Variants in NTNG1 observed in about 807,000 individuals in gnomAD.
NTNG1 encodes the protein netrin-G1.
Under a neutral mutation model 54.0 loss-of-function variants are expected in NTNG1, and 16 were observed. The ratio of observed to expected loss-of-function variants is 0.30; its 90% CI spans 0.20 to 0.45. The LOEUF (loss-of-function observed/expected upper bound fraction) is 0.45. Ranked by LOEUF, NTNG1 falls within the 20% of genes least tolerant of loss-of-function variation. The pLI is 1.00. For synonymous variants in NTNG1, 255 were observed against 263.1 expected (o/e 0.97, Z 0.30); for missense variants, 530 against 678.7 (o/e 0.78, Z 2.43).
At chr1:107,269,348 A>G (rs1663972707) in intron 2 of NTNG1, among the ~76,000 whole-genome samples, 1 of 152,174 alleles carries the variant, frequency 6.6e-6, no homozygotes, top group Non-Finnish European at 1.5e-5. Flanking sequence ...GCACCTTTTC[A>G]GTGAAATCTT....
chr1:107,357,296 C>G (rs1318028127), intron 3 of NTNG1, among the ~76,000 whole-genome samples: 1 of 151,826 alleles, frequency 6.6e-6, no homozygotes, highest in South Asian at 2.1e-4. Flanking sequence ...AAAAAAAATT[C>G]CTAAATTTAT....
intron 7 of NTNG1, among the ~76,000 whole-genome samples, chr1:107,461,821 C>T (rs910617088): frequency 2.4e-4 from 36 of 152,080 alleles, no homozygotes; most frequent in African/African-American, 8.5e-4. Context: ...TGTGAGCCAC[C>T]GCGCCTGGCC....
At chr1:107,321,798 C>T (rs976536915) in intron 2 of NTNG1, among the ~76,000 whole-genome samples, 1 of 152,092 alleles carries the variant, frequency 6.6e-6, no homozygotes, top group Non-Finnish European at 1.5e-5. Flanking sequence ...CTCTACCAGC[C>T]AATCCTGTTT....
At chr1:107,277,649 T>G (rs1664565305) in intron 2 of NTNG1, among the ~76,000 whole-genome samples, 1 of 152,234 alleles carries the variant, frequency 6.6e-6, no homozygotes, top group African/African-American at 2.4e-5. Context: ...TGGAAGTTTC[T>G]AATGAGTAGA....
At chr1:107,215,738 A>T (rs1659908953) in intron 2 of NTNG1, among the ~76,000 whole-genome samples, 1 of 151,770 alleles carries the variant, frequency 6.6e-6, no homozygotes, top group South Asian at 2.1e-4. Flanking sequence ...CAGTGTGGTC[A>T]TTTTCACAAT....
At chr1:107,394,556 C>G (rs1379171231) in intron 3 of NTNG1, among the ~76,000 whole-genome samples, 3 of 152,176 alleles carry the variant, frequency 2.0e-5, no homozygotes, top group Non-Finnish European at 4.4e-5. Context: ...TCTCACCCCC[C>G]TTCGGGTCTG....
chr1:107,337,971 G>C (rs1668686982), intron 3 of NTNG1, among the ~76,000 whole-genome samples: 1 of 151,984 alleles, frequency 6.6e-6, no homozygotes, highest in Non-Finnish European at 1.5e-5. Flanking sequence ...GGAGCTTAAG[G>C]GGCAGATATA....
chr1:107,213,101 A>G (rs1287514522), intron 2 of NTNG1, among the ~76,000 whole-genome samples: 1 of 151,666 alleles, frequency 6.6e-6, no homozygotes, highest in African/African-American at 2.4e-5. Flanking sequence ...TAGCTGTTAA[A>G]TTTCTCATTT....
chr1:107,229,392 C>T (rs1453757632), intron 2 of NTNG1, among the ~76,000 whole-genome samples: 2 of 150,788 alleles, frequency 1.3e-5, no homozygotes, highest in African/African-American at 4.9e-5. Flanking sequence ...GGCCTTTTGG[C>T]TAAGATCAAG....
At chr1:107,360,176 G>A (rs896116102) in intron 3 of NTNG1, among the ~76,000 whole-genome samples, 1 of 152,010 alleles carries the variant, frequency 6.6e-6, no homozygotes, top group African/African-American at 2.4e-5. Flanking sequence ...TGTTTAGTGG[G>A]CATTATATAC....
intron 2 of NTNG1, among the ~76,000 whole-genome samples, chr1:107,216,678 G>A (rs918593420): frequency 2.6e-5 from 4 of 151,128 alleles, no homozygotes; most frequent in African/African-American, 9.7e-5. Flanking sequence ...ATTTAAGGAG[G>A]ATTCCCTCTT....
chr1:107,300,191 T>C (rs76034874), intron 2 of NTNG1, among the ~76,000 whole-genome samples: 96 of 152,134 alleles, frequency 6.3e-4, no homozygotes, highest in African/African-American at 2.2e-3. Context: ...AAAGGAAGAG[T>C]GTTGCTAAGC....
At chr1:107,443,137 A>T (rs897260374) in intron 7 of NTNG1, among the ~76,000 whole-genome samples, 1 of 152,122 alleles carries the variant, frequency 6.6e-6, no homozygotes, top group East Asian at 1.9e-4. Flanking sequence ...GACCACACTC[A>T]TGCAGCAGAG....
chr1:107,264,690 A>G (rs773993462), intron 2 of NTNG1, among the ~76,000 whole-genome samples: 36 of 152,118 alleles, frequency 2.4e-4, no homozygotes, highest in Non-Finnish European at 5.0e-4. Context: ...CTCTGTTTAC[A>G]TTAGTTTAGG....
chr1:107,174,859 T>C (rs933473975), intron 2 of NTNG1, among the ~76,000 whole-genome samples: 1 of 152,054 alleles, frequency 6.6e-6, no homozygotes, highest in Non-Finnish European at 1.5e-5. Flanking sequence ...GTACCATCCC[T>C]GATATATAAC....
chr1:107,178,287 A>T (rs1019644655), intron 2 of NTNG1, among the ~76,000 whole-genome samples: 8 of 152,176 alleles, frequency 5.3e-5, no homozygotes, highest in Non-Finnish European at 1.2e-4. Flanking sequence ...TCAGTGTCAG[A>T]TAAATTCTTT....
intron 2 of NTNG1, among the ~76,000 whole-genome samples, chr1:107,228,319 T>G (rs1219047625): frequency 6.6e-6 from 1 of 152,208 alleles, no homozygotes; most frequent in African/African-American, 2.4e-5. Context: ...CAGGACATTT[T>G]ACATCCATGA....
At chr1:107,304,028 A>T (rs1666502206) in intron 2 of NTNG1, among the ~76,000 whole-genome samples, 2 of 152,012 alleles carry the variant, frequency 1.3e-5, no homozygotes, top group South Asian at 4.2e-4. Flanking sequence ...GAAAAAAAAA[A>T]AAATAGTAAT....
At chr1:107,196,405 C>CTACTTGGCATATAATA (rs1658334045) in intron 2 of NTNG1, among the ~76,000 whole-genome samples, 1 of 152,012 alleles carries the variant, frequency 6.6e-6, no homozygotes, top group Admixed American at 6.6e-5. Context: ...CTACTTGGCA[C>CTACTTGGCATATAATA]AGTGCCTGGC....
Sources: gnomAD v4.1 joint callset for allele counts (sites outside exome capture counted in the v4.1 genomes callset) on GRCh38, gnomAD v4.1.1 for gene constraint, MANE v1.5 for transcripts, NCBI Gene and HGNC (gene_info 2026-07-23, HGNC 2026-07-21) for gene names.